The following PPP1R9A variants were observed in gnomAD, a reference collection of about 807,000 sequenced individuals.
The protein encoded by PPP1R9A is protein phosphatase 1 regulatory subunit 9A.
A neutral mutation model predicts 141.9 loss-of-function variants in PPP1R9A; 59 were observed. The observed-to-expected ratio is 0.42, with a 90% confidence interval of 0.34 to 0.52. PPP1R9A has a LOEUF of 0.52. Among genes scored for constraint, PPP1R9A ranks in the 20% least tolerant of loss-of-function variants. The pLI, the probability that PPP1R9A is intolerant of heterozygous loss-of-function variation, is 0.10. For synonymous variants in PPP1R9A, 500 were observed against 569.7 expected (o/e 0.88, Z 1.74); for missense variants, 1,444 against 1,611.9 (o/e 0.90, Z 1.78).
At chr7:95,106,009 C>A (rs1819458644) in intron 2 of PPP1R9A, among the ~76,000 whole-genome samples, 1 of 152,130 alleles carries the variant, frequency 6.6e-6, no homozygotes, top group Non-Finnish European at 1.5e-5. Context: ...AATCCCAGTA[C>A]TTTGGGAGAC....
chr7:95,201,397 C>T (rs1272087098), intron 6 of PPP1R9A, among the ~76,000 whole-genome samples: 2 of 152,118 alleles, frequency 1.3e-5, no homozygotes, highest in Non-Finnish European at 2.9e-5. Context: ...CACACTGCCT[C>T]AACAAAACAT....
In PPP1R9A at chr7:95,244,188, CTT is replaced by C. The variant is rs561653841; in HGVS notation, c.2113-3283_2113-3282del. Among the ~76,000 whole-genome samples, 33 of 152,280 alleles carry C rather than the reference CTT, an allele frequency of 2.2e-4. No individual in the cohort carries two copies. The East Asian group carries it at 6.2e-3, about 29-fold the overall frequency. ...TAGCTATACTTAGTAACACTCCAAACTTTGCGCAGTTGTTCTCACCTCACTGC... is the reference window on the plus strand; with the variant it reads ...TAGCTATACTTAGTAACACTCCAAACTGCGCAGTTGTTCTCACCTCACTGC... On this transcript the variant is annotated intron_variant, in intron 8 of 19. Transcript: ENST00000433360.
At chr7:94,941,708 G>A (rs1795350249) in intron 2 of PPP1R9A, among the ~76,000 whole-genome samples, 1 of 151,922 alleles carries the variant, frequency 6.6e-6, no homozygotes, top group Non-Finnish European at 1.5e-5. Flanking sequence ...GCAAGTGTGG[G>A]AACCTAATGT....
At chr7:95,135,909 A>G (rs1019118156) in intron 4 of PPP1R9A, among the ~76,000 whole-genome samples, 1 of 143,648 alleles carries the variant, frequency 7.0e-6, no homozygotes, top group African/African-American at 2.7e-5. Flanking sequence ...TCATCCTTCA[A>G]ATGCCATGGC....
At chr7:95,095,278 G>A (rs1295967732) in intron 2 of PPP1R9A, among the ~76,000 whole-genome samples, 1 of 152,112 alleles carries the variant, frequency 6.6e-6, no homozygotes, top group African/African-American at 2.4e-5. Flanking sequence ...GGTTTCTGAG[G>A]CTGTGGTGAC....
At chr7:95,047,722 C>G (rs1398650660) in intron 2 of PPP1R9A, among the ~76,000 whole-genome samples, 1 of 152,086 alleles carries the variant, frequency 6.6e-6, no homozygotes, top group Admixed American at 6.6e-5. Flanking sequence ...GAGAGTGATT[C>G]ATTGGGGACC....
chr7:95,017,973 T>C (rs1004495721), intron 2 of PPP1R9A, among the ~76,000 whole-genome samples: 1 of 152,070 alleles, frequency 6.6e-6, no homozygotes, highest in Non-Finnish European at 1.5e-5. Context: ...GGGAGAAGAG[T>C]CTGGATTTGT....
chr7:94,992,993 T>A (rs1252032431), intron 2 of PPP1R9A, among the ~76,000 whole-genome samples: 1 of 152,064 alleles, frequency 6.6e-6, no homozygotes, highest in African/African-American at 2.4e-5. Context: ...TACTTTTTCT[T>A]CTAGATTTTT....
chr7:95,220,852 G>T (rs1196710364), intron 7 of PPP1R9A, among the ~76,000 whole-genome samples: 3 of 152,050 alleles, frequency 2.0e-5, no homozygotes, highest in Non-Finnish European at 4.4e-5. Context: ...TCATGTACAC[G>T]GTTATTCATC....
At chr7:95,202,729 G>A (rs1789852561) in intron 6 of PPP1R9A, 1 of 248,066 alleles carries the variant, frequency 4.0e-6, no homozygotes, top group African/African-American at 2.3e-5. Context: ...TTAGTAGTGA[G>A]ATGATGTAAT....
At chr7:95,042,345 A>G (rs1050508328) in intron 2 of PPP1R9A, among the ~76,000 whole-genome samples, 4 of 152,180 alleles carry the variant, frequency 2.6e-5, no homozygotes, top group African/African-American at 7.2e-5. Flanking sequence ...TTATGCTACT[A>G]TTTTTAAAAA....
intron 2 of PPP1R9A, among the ~76,000 whole-genome samples, chr7:95,065,759 C>T (rs1442314717): frequency 6.6e-6 from 1 of 152,138 alleles, no homozygotes; most frequent in Non-Finnish European, 1.5e-5. Context: ...ATAGTGATAT[C>T]ACTCCCACAG....
chr7:95,054,676 C>T (rs909643467), intron 2 of PPP1R9A, among the ~76,000 whole-genome samples: 2 of 152,076 alleles, frequency 1.3e-5, no homozygotes, highest in African/African-American at 4.8e-5. Context: ...TTGTTTTTTC[C>T]ATCTTCCACA....
At chr7:95,062,441 T>G (rs1292117587) in intron 2 of PPP1R9A, among the ~76,000 whole-genome samples, 2 of 150,076 alleles carry the variant, frequency 1.3e-5, no homozygotes, top group African/African-American at 4.9e-5. Flanking sequence ...TTTTTTTAGA[T>G]GGAGTCTCAC....
intron 6 of PPP1R9A, 92 bp from the exon 7 acceptor site, chr7:95,203,573 G>T: frequency 1.1e-6 from 1 of 908,268 alleles, no homozygotes; most frequent in Non-Finnish European, 1.7e-6. Context: ...ATTACAGTAA[G>T]CACTGGGACT....
intron 4 of PPP1R9A, among the ~76,000 whole-genome samples, chr7:95,124,042 T>A (rs1823106255): frequency 1.3e-5 from 2 of 152,144 alleles, no homozygotes; most frequent in South Asian, 4.1e-4. Context: ...ATAAGAAAAT[T>A]GAGGGTGGTT....
intron 2 of PPP1R9A, among the ~76,000 whole-genome samples, chr7:95,003,953 G>A (rs114347086): frequency 2.6e-5 from 4 of 152,146 alleles, no homozygotes; most frequent in Non-Finnish European, 5.9e-5. Context: ...TAGGGAGCAG[G>A]TGAAGGCTTG....
At chr7:94,947,819 A>G (rs754890901) in intron 2 of PPP1R9A, among the ~76,000 whole-genome samples, 2 of 152,150 alleles carry the variant, frequency 1.3e-5, no homozygotes, top group African/African-American at 4.8e-5. Flanking sequence ...ATAGGGGAAA[A>G]TATGTATGCT....
intron 3 of PPP1R9A, 124 bp downstream of exon 3, chr7:95,111,515 T>C: frequency 2.0e-6 from 2 of 1,013,246 alleles, no homozygotes; most frequent in Non-Finnish European, 2.8e-6. Context: ...GAGGATCTTA[T>C]TTATTAAGTT....
Sources: allele counts gnomAD v4.1 joint callset (sites outside exome capture counted in the v4.1 genomes callset), GRCh38; gene constraint gnomAD v4.1.1; transcripts MANE v1.5; gene names NCBI Gene and HGNC (gene_info 2026-07-23, HGNC 2026-07-21).